The following SVIL variants were observed in gnomAD, a reference collection of about 807,000 sequenced individuals.
SVIL encodes the protein supervillin, also known as archvillin.
A neutral mutation model predicts 240.4 loss-of-function variants in SVIL; 101 were observed. The ratio of observed to expected loss-of-function variants is 0.42; its 90% confidence interval spans 0.36 to 0.50. SVIL has a LOEUF of 0.50. Among genes scored for constraint, SVIL ranks in the 20% least tolerant of loss-of-function variants. The pLI, the probability that SVIL is intolerant of heterozygous loss-of-function variation, is 0.01. For synonymous variants in SVIL, 999 were observed against 1,100.0 expected, an observed-to-expected ratio of 0.91 and a Z score of 1.82; for missense variants, 2,512 against 2,818.7, an observed-to-expected ratio of 0.89 and a Z score of 2.46.
chr10:29,512,110 G>A (rs1949881380), intron 17 of SVIL, among the ~76,000 whole-genome samples: 1 of 152,194 alleles, frequency 6.6e-6, no homozygotes, highest in African/African-American at 2.4e-5. Context: ...GCACTACCTG[G>A]TCAAAAGCTG....
chr10:29,535,938 G>A (rs1490805996), intron 7 of SVIL, 51 bp downstream of exon 7: 10 of 1,590,354 alleles, frequency 6.3e-6, no homozygotes, highest in Admixed American at 1.7e-5. Flanking sequence ...GGTCAGGCAG[G>A]AGGAAGCAAC....
At chr10:29,527,141 A>G (rs2132545381) in intron 12 of SVIL, 85 bp from the exon 13 acceptor site, 1 of 1,247,260 alleles carries the variant, frequency 8.0e-7, no homozygotes. Context: ...TTAAATTCAG[A>G]AACGTTAAAT....
intron 1 of SVIL, among the ~76,000 whole-genome samples, chr10:29,708,257 C>CAAAAAAAA (rs35982600): frequency 1.6e-5 from 1 of 62,700 alleles, no homozygotes; most frequent in Non-Finnish European, 3.0e-5. Flanking sequence ...GACTCCATCT[C>CAAAAAAAA]AAAAAAAAAA....
intron 20 of SVIL, 93 bp downstream of exon 20, chr10:29,494,821 C>T: frequency 7.6e-7 from 1 of 1,315,952 alleles, no homozygotes. Context: ...TCAGTCTTGA[C>T]CAAAACTTCT....
chr10:29,637,045 G>T (rs1358873025), upstream of SVIL, among the ~76,000 whole-genome samples: 1 of 152,148 alleles, frequency 6.6e-6, no homozygotes, highest in East Asian at 1.9e-4. Flanking sequence ...CTGGGCTCCA[G>T]CTGTCCTCCC....
intron 13 of SVIL, among the ~76,000 whole-genome samples, chr10:29,525,040 T>C (rs1466589381): frequency 1.3e-5 from 2 of 152,186 alleles, no homozygotes; most frequent in African/African-American, 4.8e-5. Flanking sequence ...TCGTAATAAG[T>C]AGAATGAAAG....
chr10:29,478,497 G>C (rs1237070337), intron 29 of SVIL, among the ~76,000 whole-genome samples: 1 of 152,136 alleles, frequency 6.6e-6, no homozygotes, highest in African/African-American at 2.4e-5. Context: ...GGCTCAGACA[G>C]AGTAACTTTA....
In SVIL at chr10:29,484,916, T is replaced by C. The variant is rs1947249047; in HGVS notation, c.4780-85A>G. On this transcript the variant is annotated intron_variant, in intron 26 of 37. Coordinates refer to ENST00000355867, the MANE Select transcript of SVIL (RefSeq NM_021738.3). This position sits in a 1 kb window ranked among gnomAD's most constrained non-coding sequence, Gnocchi z 4.7. ...GTGCAACAGGGTCTCTTGTTGACAG[T>C]GAGTCAAACGGAGGAAGACAGAAAT... The C allele has an allele frequency of 4.3e-6, 6 of 1,393,794 alleles. No individual in the cohort carries two copies. Among genetic ancestry groups the C allele is most frequent in the South Asian group, 4.3e-5 (3 of 69,996 alleles). The allele number at this position is 1,393,794 out of a possible 1,614,324, so 86.3% of individuals were successfully genotyped here. A position where few individuals can be genotyped will look rare whatever the true frequency, so the allele number is the denominator to read the frequency against.
In SVIL at chr10:29,692,928, T is replaced by C. The variant is rs191308152; in HGVS notation, c.-399-6277A>G. The stretch of plus-strand genomic sequence containing the variant: ...GTTTTTGTCTCATGGTCACTGACGC[T>C]GACATAGTCCTTAACCATATATGCC... On this transcript the variant is annotated intron_variant, in intron 1 of 35. Coordinates refer to the SVIL transcript ENST00000375400. 9.5e-4 allele frequency among the ~76,000 whole-genome samples: 144 copies of C among 152,352 alleles called. 1 individual carries two copies. Among genetic ancestry groups the C allele is most frequent in the African/African-American group, 3.4e-3 (140 of 41,586 alleles).
intron 2 of SVIL, among the ~76,000 whole-genome samples, chr10:29,662,814 G>C (rs888142205): frequency 5.9e-5 from 9 of 152,106 alleles, no homozygotes; most frequent in African/African-American, 2.2e-4. Context: ...ACACTTGGAC[G>C]AAGGACAAAT....
chr10:29,717,802 G>A (rs1963718363), intron 1 of SVIL, among the ~76,000 whole-genome samples: 1 of 152,048 alleles, frequency 6.6e-6, no homozygotes, highest in South Asian at 2.1e-4. Flanking sequence ...TGTATATTTG[G>A]GGTTTGGTTA....
At chr10:29,634,073 T>C (rs1589430158) in intron 1 of SVIL, among the ~76,000 whole-genome samples, 1 of 152,258 alleles carries the variant, frequency 6.6e-6, no homozygotes, top group East Asian at 1.9e-4. Context: ...TTAAAGTACG[T>C]TGCATTGTGA....
chr10:29,562,328 T>A lies in SVIL; in HGVS notation c.-51+873A>T, dbSNP rs533885629. 2.0e-3 allele frequency among the ~76,000 whole-genome samples: 305 copies of A among 152,354 alleles called. 2 individuals carry two copies. The highest frequency in any genetic ancestry group is 3.0e-3 in the Non-Finnish European group (207 of 68,020). On this transcript the variant is annotated intron_variant, in intron 3 of 37. Coordinates refer to ENST00000355867, the MANE Select transcript of SVIL (RefSeq NM_021738.3). ...TGGTTTATAGTTGGTGCAGACATTTTACCGCATGTGCGCCTTGACCAGTGG... is the reference window on the plus strand; with the variant it reads ...TGGTTTATAGTTGGTGCAGACATTTAACCGCATGTGCGCCTTGACCAGTGG...
Position 29,517,618 on chromosome 10 carries a change from G to T in SVIL, c.3390-4757C>A, listed in dbSNP as rs180821037. On this transcript the variant is annotated intron_variant, in intron 16 of 37. Transcript: ENST00000355867. ...TGGGTGGGATACCGAAGGGTGGATG[G>T]TTGGGGCGGGGGCCGGCAGGCGGGA... Among the ~76,000 whole-genome samples the T allele has an allele frequency of 8.5e-5, 13 of 152,300 alleles. No homozygotes were observed. The East Asian group carries it at 1.5e-3, about 18-fold the overall frequency.
intron 1 of SVIL, among the ~76,000 whole-genome samples, chr10:29,609,877 A>G (rs1227273083): frequency 6.6e-6 from 1 of 152,328 alleles, no homozygotes; most frequent in African/African-American, 2.4e-5. Context: ...TGGTAGCACA[A>G]GCTGAGCACA....
At chr10:29,545,645 A>G (rs904685341) in intron 6 of SVIL, among the ~76,000 whole-genome samples, 3 of 152,040 alleles carry the variant, frequency 2.0e-5, no homozygotes, top group African/African-American at 7.2e-5. Flanking sequence ...TCATGAGGTC[A>G]AGGGATCAAG....
chr10:29,482,314 G>A (rs764937845), intron 27 of SVIL, among the ~76,000 whole-genome samples: 7 of 152,152 alleles, frequency 4.6e-5, no homozygotes, highest in Non-Finnish European at 1.0e-4. Context: ...GACTACAGGT[G>A]TGGGCCACAT....
Position 29,662,480 on chromosome 10 carries a change from A to T in SVIL, c.-300-4412T>A, listed in dbSNP as rs183082238. Among the ~76,000 whole-genome samples the T allele has an allele frequency of 2.5e-4, 38 of 152,370 alleles. No individual in the cohort carries two copies. The East Asian group carries it at 7.3e-3, about 29-fold the overall frequency. ...AAATAAATAAAATGCCAAATCAACAAGACCATCTCCCCATTAGAGAAGGTC... is the reference window on the plus strand; with the variant it reads ...AAATAAATAAAATGCCAAATCAACATGACCATCTCCCCATTAGAGAAGGTC... On this transcript the variant is annotated intron_variant, in intron 2 of 35. Coordinates refer to the SVIL transcript ENST00000375400.
intron 6 of SVIL, among the ~76,000 whole-genome samples, chr10:29,540,405 G>C (rs1309804964): frequency 6.6e-6 from 1 of 152,220 alleles, no homozygotes; most frequent in Admixed American, 6.5e-5. Flanking sequence ...CTCATGGAAT[G>C]ATTAACTGAT....
Sources: allele counts gnomAD v4.1 joint callset (sites outside exome capture counted in the v4.1 genomes callset), GRCh38; gene constraint gnomAD v4.1.1; non-coding constraint Gnocchi (gnomAD v3.1); transcripts MANE v1.5; gene names NCBI Gene and HGNC (gene_info 2026-07-23, HGNC 2026-07-21).